Variants in USP32 observed in about 807,000 individuals in gnomAD.
USP32 encodes ubiquitin specific peptidase 32, also known as ubiquitin carboxyl-terminal hydrolase 32.
In USP32, 59 loss-of-function variants were observed where a neutral mutation model predicts 204.8. The ratio of observed to expected loss-of-function variants is 0.29; its 90% CI spans 0.23 to 0.36. The LOEUF (loss-of-function observed/expected upper bound fraction) is 0.36, where lower values mean the gene tolerates loss of function less well. Among genes scored for constraint, USP32 ranks in the 10% least tolerant of loss-of-function variants. USP32 has a pLI of 1.00. For missense variants in USP32, 1,160 were observed against 1,946.4 expected (o/e 0.60, Z 7.60); for synonymous variants, 517 against 678.4 (o/e 0.76, Z 3.70).
At chr17:60,288,438 T>C (rs2087179095) in intron 5 of USP32, 85 bp downstream of exon 5, 1 of 1,428,508 alleles carries the variant, frequency 7.0e-7, no homozygotes, top group Non-Finnish European at 9.4e-7. Context: ...AATAAATTTC[T>C]CCTTTATAAG....
At chr17:60,271,112 T>C (rs2086714203) in intron 6 of USP32, among the ~76,000 whole-genome samples, 1 of 152,294 alleles carries the variant, frequency 6.6e-6, no homozygotes. Context: ...GTCAAACACA[T>C]TTTATACATG....
chr17:60,332,064 G>T (rs1032163320), intron 2 of USP32, among the ~76,000 whole-genome samples: 1 of 151,830 alleles, frequency 6.6e-6, no homozygotes, highest in Admixed American at 6.6e-5. Context: ...GCAACATAGC[G>T]AAACCCCATC....
intron 1 of USP32, among the ~76,000 whole-genome samples, chr17:60,404,784 G>A (rs2089962522): frequency 6.6e-6 from 1 of 152,142 alleles, no homozygotes; most frequent in Non-Finnish European, 1.5e-5. Flanking sequence ...CATCTTTCCT[G>A]TATGAAAAGG....
At chr17:60,387,780 T>C (rs1031579547) in intron 1 of USP32, among the ~76,000 whole-genome samples, 1 of 152,158 alleles carries the variant, frequency 6.6e-6, no homozygotes, top group Non-Finnish European at 1.5e-5. Context: ...ACCTTAAACA[T>C]GCTTAGAACA....
At chr17:60,269,984 A>G (rs1216877151) in intron 6 of USP32, among the ~76,000 whole-genome samples, 1 of 152,212 alleles carries the variant, frequency 6.6e-6, no homozygotes, top group South Asian at 2.1e-4. Context: ...ACACTATGGT[A>G]TCATTAATAA....
intron 5 of USP32, among the ~76,000 whole-genome samples, chr17:60,283,084 G>C (rs1333172178): frequency 6.6e-6 from 1 of 152,214 alleles, no homozygotes; most frequent in Non-Finnish European, 1.5e-5. Flanking sequence ...AAGAGAAATG[G>C]ACAAGCATGA....
chr17:60,225,564 G>A (rs2085360530), intron 13 of USP32, among the ~76,000 whole-genome samples: 1 of 152,182 alleles, frequency 6.6e-6, no homozygotes, highest in Admixed American at 6.5e-5. Flanking sequence ...TTTTACAATT[G>A]ACCATTTCAT....
intron 1 of USP32, among the ~76,000 whole-genome samples, chr17:60,384,991 A>G (rs974178384): frequency 6.6e-6 from 1 of 152,192 alleles, no homozygotes. Flanking sequence ...TCTGAGCCCA[A>G]GCTAAGCCAT....
chr17:60,368,371 A>G (rs1372047748), intron 1 of USP32, among the ~76,000 whole-genome samples: 1 of 152,232 alleles, frequency 6.6e-6, no homozygotes, highest in Non-Finnish European at 1.5e-5. Context: ...TTCACTTCAT[A>G]GAAGTCAACA....
At chr17:60,352,434 G>A (rs73320748) in intron 1 of USP32, among the ~76,000 whole-genome samples, 136 of 152,290 alleles carry the variant, frequency 8.9e-4, no homozygotes, top group African/African-American at 2.8e-3. Context: ...ACTGCCATAT[G>A]ACCCTTGGAT....
At chr17:60,366,985 A>G (rs7209098) in intron 1 of USP32, among the ~76,000 whole-genome samples, 35,645 of 151,830 alleles carry the variant, frequency 0.23, 10,623 homozygotes, top group African/African-American at 0.7. Context: ...CACCACACCC[A>G]GCTAATTTTG....
chr17:60,415,526 G>C (rs532938463), intron 1 of USP32, among the ~76,000 whole-genome samples: 2 of 152,312 alleles, frequency 1.3e-5, no homozygotes, highest in East Asian at 3.9e-4. Context: ...TTTGGGGCTA[G>C]ACCTCTTTGA....
intron 9 of USP32, among the ~76,000 whole-genome samples, chr17:60,260,113 T>C (rs2086416591): frequency 6.6e-6 from 1 of 152,204 alleles, no homozygotes; most frequent in Non-Finnish European, 1.5e-5. Flanking sequence ...TTAAGAGACC[T>C]GTTGTTCATA....
chr17:60,385,858 G>A (rs1255283487), intron 1 of USP32, among the ~76,000 whole-genome samples: 2 of 150,470 alleles, frequency 1.3e-5, no homozygotes, highest in Admixed American at 1.3e-4. Flanking sequence ...AAAAGAAAAA[G>A]ATAATTAAAA....
intron 1 of USP32, among the ~76,000 whole-genome samples, chr17:60,407,400 C>T (rs1288656478): frequency 6.6e-6 from 1 of 152,138 alleles, no homozygotes; most frequent in African/African-American, 2.4e-5. Context: ...GTAGAAATAA[C>T]TTAGTGACCT....
chr17:60,345,226 G>T (rs2146003371), intron 2 of USP32, among the ~76,000 whole-genome samples: 1 of 152,268 alleles, frequency 6.6e-6, no homozygotes, highest in African/African-American at 2.4e-5. Flanking sequence ...TCATGGAAAT[G>T]TTCCTATGAT....
chr17:60,265,565 G>T, intron 8 of USP32, 91 bp from the exon 9 acceptor site: 1 of 896,792 alleles, frequency 1.1e-6, no homozygotes, highest in Non-Finnish European at 1.7e-6. Context: ...AGCAAGATTT[G>T]TTTTGCTTTT....
intron 1 of USP32, among the ~76,000 whole-genome samples, chr17:60,346,020 T>C (rs1349109607): frequency 6.6e-6 from 1 of 152,010 alleles, no homozygotes; most frequent in Non-Finnish European, 1.5e-5. Context: ...AAAGAAAAAT[T>C]GGCAAGCATT....
chr17:60,359,231 A>G (rs2089152467), intron 1 of USP32, among the ~76,000 whole-genome samples: 1 of 152,154 alleles, frequency 6.6e-6, no homozygotes, highest in Non-Finnish European at 1.5e-5. Flanking sequence ...CACTTATTCA[A>G]TATCAAATTC....
Sources: gnomAD v4.1 joint callset for allele counts (sites outside exome capture counted in the v4.1 genomes callset) on GRCh38, gnomAD v4.1.1 for gene constraint, MANE v1.5 for transcripts, NCBI Gene and HGNC (gene_info 2026-07-23, HGNC 2026-07-21) for gene names.